The following CNTN3 variants were observed in gnomAD, a reference collection of about 807,000 sequenced individuals.
CNTN3 encodes contactin-3.
In CNTN3, 60 loss-of-function variants were observed where a neutral mutation model predicts 119.1. The ratio of observed to expected loss-of-function variants is 0.50; its 90% CI spans 0.41 to 0.62. The LOEUF (loss-of-function observed/expected upper bound fraction) is 0.62. CNTN3 is among the 20% of genes least tolerant of loss of function. The pLI is 0.00. For missense variants in CNTN3, 1,101 were observed against 1,242.4 expected (o/e 0.89, Z 1.71); for synonymous variants, 450 against 438.7 (o/e 1.03, Z -0.32).
intron 2 of CNTN3, among the ~76,000 whole-genome samples, chr3:74,511,963 AT>A (rs893393295): frequency 1.1e-4 from 17 of 151,874 alleles, no homozygotes; most frequent in South Asian, 4.2e-4. Flanking sequence ...AATAAACATG[AT>A]TTTTTTTCCC....
intron 5 of CNTN3, among the ~76,000 whole-genome samples, chr3:74,421,277 T>C (rs920400084): frequency 1.3e-5 from 2 of 152,228 alleles, no homozygotes; most frequent in African/African-American, 4.8e-5. Flanking sequence ...CAAGCAATCC[T>C]CCCACCTCAG....
In CNTN3 at chr3:74,267,299, G is replaced by T; in HGVS notation, c.2784C>A (p.Ala928=). 1 of 1,612,758 alleles carries T rather than the reference G, an allele frequency of 6.2e-7. No homozygotes were observed. The highest frequency in any genetic ancestry group is 8.5e-7 in the Non-Finnish European group (1 of 1,178,978). The change falls in exon 21 of 23, where the codon GCC becomes GCA. Residue 928 remains alanine, a synonymous_variant. Transcript: ENST00000263665. Reference sequence around the variant, plus strand: ...CTGTTACTTCTGACTCATTCTCCATGGCTTTAACTTGCTCCCAATTAAGTA... The same window carrying T: ...CTGTTACTTCTGACTCATTCTCCATTGCTTTAACTTGCTCCCAATTAAGTA... ...KVLLNWEQVK[A]MENESEVTGY... is the part of the protein sequence containing the mutation.
intron 1 of CNTN3, among the ~76,000 whole-genome samples, chr3:74,585,360 C>T (rs989345834): frequency 2.6e-5 from 4 of 152,140 alleles, no homozygotes; most frequent in African/African-American, 7.2e-5. Context: ...TAAAGGATAA[C>T]TATATATAAG....
At chr3:74,309,181 T>C (rs545308423) in intron 13 of CNTN3, among the ~76,000 whole-genome samples, 2 of 152,276 alleles carry the variant, frequency 1.3e-5, no homozygotes, top group South Asian at 2.1e-4. Context: ...CTTAGCACCC[T>C]GCAACCTCCA....
At chr3:74,613,639 C>A (rs1705119594) in intron 1 of CNTN3, among the ~76,000 whole-genome samples, 1 of 152,154 alleles carries the variant, frequency 6.6e-6, no homozygotes, top group Admixed American at 6.5e-5. Context: ...ACAAGCAGAG[C>A]CCAGAAGCTG....
In CNTN3 at chr3:74,285,401, T is replaced by C. The variant is rs1434911345; in HGVS notation, c.2608A>G (p.Lys870Glu). The C allele has an allele frequency of 6.2e-7, 1 of 1,613,866 alleles. No individual in the cohort carries two copies. Among genetic ancestry groups the C allele is most frequent in the South Asian group, 1.1e-5 (1 of 91,038 alleles). Residue 870 changes from lysine (K) to glutamate (E), a missense_variant, in exon 20 of 23, where the codon AAG becomes GAG. Coordinates refer to ENST00000263665, the MANE Select transcript of CNTN3 (RefSeq NM_020872.3). ...GCCGTGTAATAGGCCAGGTTGCTCT[T>C]CAGGCCCCGTAGTCTGGCTGATGTC... ...NETSARLRGLKSNLAYYTAVR... is the reference protein window; with the variant it reads ...NETSARLRGLESNLAYYTAVR...
intron 20 of CNTN3, among the ~76,000 whole-genome samples, chr3:74,278,057 C>G (rs1408264983): frequency 6.6e-6 from 1 of 150,756 alleles, no homozygotes; most frequent in Non-Finnish European, 1.5e-5. Context: ...TATACCTAAC[C>G]AGGAGATGAA....
chr3:74,494,004 C>A (rs1158331876), intron 3 of CNTN3, among the ~76,000 whole-genome samples: 3 of 152,146 alleles, frequency 2.0e-5, no homozygotes, highest in Non-Finnish European at 4.4e-5. Context: ...TGTTCACTTT[C>A]CATGGTTCTA....
At chr3:74,458,080 A>G (rs1163396911) in intron 4 of CNTN3, among the ~76,000 whole-genome samples, 1 of 152,036 alleles carries the variant, frequency 6.6e-6, no homozygotes, top group Non-Finnish European at 1.5e-5. Flanking sequence ...AAATGGAGAC[A>G]AACTGTCACC....
At chr3:74,400,243 C>T (rs1705157832) in intron 5 of CNTN3, among the ~76,000 whole-genome samples, 1 of 152,156 alleles carries the variant, frequency 6.6e-6, no homozygotes, top group Admixed American at 6.5e-5. Flanking sequence ...GATCCCATTA[C>T]TTTTTCTTTT....
At chr3:74,525,387 T>C (rs1298144274) in intron 1 of CNTN3, among the ~76,000 whole-genome samples, 2 of 151,882 alleles carry the variant, frequency 1.3e-5, no homozygotes, top group Non-Finnish European at 2.9e-5. Flanking sequence ...AGTAGGACAT[T>C]GGCTTTATAA....
intron 2 of CNTN3, among the ~76,000 whole-genome samples, chr3:74,513,943 C>A (rs1274956967): frequency 6.6e-6 from 1 of 150,976 alleles, no homozygotes; most frequent in Non-Finnish European, 1.5e-5. Context: ...TAATGGCCAG[C>A]TAGGGGTACA....
At chr3:74,440,422 AT>A (rs1701943134) in intron 4 of CNTN3, among the ~76,000 whole-genome samples, 1 of 151,276 alleles carries the variant, frequency 6.6e-6, no homozygotes, top group Non-Finnish European at 1.5e-5. Flanking sequence ...TGCATAGTTG[AT>A]TTCTGTTCTC....
At chr3:74,344,934 C>T (rs1703656190) in intron 11 of CNTN3, among the ~76,000 whole-genome samples, 1 of 152,028 alleles carries the variant, frequency 6.6e-6, no homozygotes, top group African/African-American at 2.4e-5. Flanking sequence ...GGGATCAGAT[C>T]ATCTAAGATA....
intron 5 of CNTN3, among the ~76,000 whole-genome samples, chr3:74,424,476 G>C (rs909639623): frequency 1.4e-5 from 2 of 147,384 alleles, no homozygotes; most frequent in African/African-American, 2.6e-5. Context: ...GTGTGTGACA[G>C]AGAGAGAGAG....
At chr3:74,551,255 T>A (rs1301450610) in intron 1 of CNTN3, among the ~76,000 whole-genome samples, 1 of 152,166 alleles carries the variant, frequency 6.6e-6, no homozygotes, top group Admixed American at 6.5e-5. Context: ...TTATCTTAAA[T>A]ACACTCCACG....
At chr3:74,437,714 C>CAT (rs948790902) in intron 4 of CNTN3, among the ~76,000 whole-genome samples, 2 of 151,474 alleles carry the variant, frequency 1.3e-5, no homozygotes, top group Non-Finnish European at 2.9e-5. Context: ...TGTATATATA[C>CAT]ATATATATAG....
chr3:74,358,820 C>A (rs1262518614), intron 11 of CNTN3, among the ~76,000 whole-genome samples: 1 of 136,418 alleles, frequency 7.3e-6, no homozygotes, highest in African/African-American at 2.8e-5. Context: ...TCCATGTGAT[C>A]TCATTGTTCA....
intron 4 of CNTN3, among the ~76,000 whole-genome samples, chr3:74,455,296 G>A (rs377209268): frequency 7.9e-5 from 12 of 151,618 alleles, no homozygotes; most frequent in Non-Finnish European, 1.3e-4. Flanking sequence ...TGATCGCATC[G>A]GCTCCTGAGG....
Sources: allele counts gnomAD v4.1 joint callset (sites outside exome capture counted in the v4.1 genomes callset), GRCh38; gene constraint gnomAD v4.1.1; transcripts MANE v1.5; gene names NCBI Gene and HGNC (gene_info 2026-07-23, HGNC 2026-07-21).